Variants in NBAS observed in about 807,000 individuals in gnomAD.
NBAS encodes the protein NBAS subunit of NRZ tethering complex, also known as NAG/BC035112 fusion.
Under a neutral mutation model 302.5 loss-of-function variants are expected in NBAS, and 219 were observed. That is an observed-to-expected ratio of 0.72 (90% CI 0.65 to 0.81). The LOEUF (loss-of-function observed/expected upper bound fraction) is 0.81, where lower values mean the gene tolerates loss of function less well. Among genes scored for constraint, NBAS ranks in the 30% least tolerant of loss-of-function variants. The probability of loss-of-function intolerance (pLI) is 0.00; values close to 1 mark genes in which losing one functional copy is unlikely to be tolerated. For missense variants in NBAS, 2,932 were observed against 2,841.6 expected, an observed-to-expected ratio of 1.03 and a Z score of -0.72; for synonymous variants, 1,118 against 1,021.6, an observed-to-expected ratio of 1.09 and a Z score of -1.80.
At chr2:14,881,058 C>A in the NBAS span, among the ~76,000 whole-genome samples, 1 of 152,044 alleles carries the variant, frequency 6.6e-6, no homozygotes, top group African/African-American at 2.4e-5. Flanking sequence ...AAGTGTGAGC[C>A]AACAATAGCA....
chr2:14,974,994 C>T, the NBAS span, among the ~76,000 whole-genome samples: 1 of 152,168 alleles, frequency 6.6e-6, no homozygotes, highest in Admixed American at 6.5e-5. Context: ...ATGGAGGGGA[C>T]AGACCAAGGA....
intron 46 of NBAS, 114 bp from the exon 47 acceptor site, chr2:15,232,625 G>T: frequency 1.2e-6 from 1 of 844,360 alleles, no homozygotes; most frequent in Non-Finnish European, 1.9e-6. Context: ...TATACTGCCT[G>T]CCCATAGTCA....
At chr2:15,113,449 G>T in the NBAS span, among the ~76,000 whole-genome samples, 1 of 151,352 alleles carries the variant, frequency 6.6e-6, no homozygotes, top group African/African-American at 2.4e-5. Flanking sequence ...GGACATCTTG[G>T]GGAAATGGAT....
chr2:15,313,886 T>G (rs546533851), intron 38 of NBAS, among the ~76,000 whole-genome samples: 44 of 152,302 alleles, frequency 2.9e-4, no homozygotes, highest in African/African-American at 1.0e-3. Context: ...GCTCTCTGGC[T>G]TTCTATTACT....
At chr2:15,282,743 G>T (rs1669878458) in intron 42 of NBAS, among the ~76,000 whole-genome samples, 1 of 152,116 alleles carries the variant, frequency 6.6e-6, no homozygotes, top group African/African-American at 2.4e-5. Context: ...AATAAGAAGG[G>T]AAAAGATGGA....
chr2:14,938,732 C>T, the NBAS span, among the ~76,000 whole-genome samples: 4 of 152,246 alleles, frequency 2.6e-5, no homozygotes, highest in South Asian at 4.1e-4. Flanking sequence ...ATAAACACAC[C>T]GTGTGATGAT....
chr2:14,978,911 A>G, the NBAS span, among the ~76,000 whole-genome samples: 1 of 152,220 alleles, frequency 6.6e-6, no homozygotes, highest in Non-Finnish European at 1.5e-5. Context: ...ACTTTTCACA[A>G]GACTCTCAAG....
chr2:14,990,396 C>A, the NBAS span, among the ~76,000 whole-genome samples: 2 of 151,748 alleles, frequency 1.3e-5, no homozygotes, highest in Non-Finnish European at 2.9e-5. Context: ...TGCACTCCAG[C>A]CTGGGCAACA....
Position 15,356,325 on chromosome 2 carries a change from A to G in NBAS, c.3909T>C (p.His1303=). 6.2e-7 allele frequency: 1 copy of G among 1,613,788 alleles called. No individual in the cohort carries two copies. Among genetic ancestry groups the G allele is most frequent in the Non-Finnish European group, 8.5e-7 (1 of 1,179,756 alleles). Residue 1303 remains histidine, a synonymous_variant, in exon 33 of 52, where the codon CAT becomes CAC. Transcript: ENST00000281513. ...RFHDYKAASM[H]CQELMATGYP... ...CACCTGTGGCCATCAGCTCCTGACAATGCATACTGGCTGCTTTGTAGTCAT... is the reference window on the plus strand; with the variant it reads ...CACCTGTGGCCATCAGCTCCTGACAGTGCATACTGGCTGCTTTGTAGTCAT...
At chr2:15,044,023 T>A in the NBAS span, among the ~76,000 whole-genome samples, 1 of 152,146 alleles carries the variant, frequency 6.6e-6, no homozygotes, top group African/African-American at 2.4e-5. Context: ...ATTGACTGGA[T>A]GGATAAATGA....
chr2:15,021,243 A>C, the NBAS span, among the ~76,000 whole-genome samples: 6 of 151,884 alleles, frequency 4.0e-5, no homozygotes, highest in Non-Finnish European at 8.8e-5. Flanking sequence ...CTTGTCTAAA[A>C]AAAAAATTGT....
the NBAS span, among the ~76,000 whole-genome samples, chr2:14,895,851 G>A: frequency 6.6e-6 from 1 of 152,088 alleles, no homozygotes; most frequent in Non-Finnish European, 1.5e-5. Context: ...ATCAAAAGGG[G>A]AGAGGGAAGA....
At chr2:15,003,314 A>T in the NBAS span, among the ~76,000 whole-genome samples, 1 of 152,158 alleles carries the variant, frequency 6.6e-6, no homozygotes, top group African/African-American at 2.4e-5. Context: ...GGTGAAGATG[A>T]TCTGGCAGTT....
the NBAS span, among the ~76,000 whole-genome samples, chr2:14,897,250 C>G: frequency 3.3e-5 from 5 of 152,092 alleles, no homozygotes; most frequent in African/African-American, 9.7e-5. Flanking sequence ...TGCTTTTCTC[C>G]TTATCAAAAC....
intron 40 of NBAS, among the ~76,000 whole-genome samples, chr2:15,302,876 G>A (rs1182283512): frequency 6.6e-6 from 1 of 152,182 alleles, no homozygotes; most frequent in African/African-American, 2.4e-5. Flanking sequence ...AACTGGCCAA[G>A]TCTTCCAGCC....
chr2:14,992,875 C>T, the NBAS span, among the ~76,000 whole-genome samples: 7 of 152,136 alleles, frequency 4.6e-5, no homozygotes, highest in Admixed American at 2.0e-4. Context: ...GTAAGGAGAG[C>T]GAAGCCACAC....
intron 11 of NBAS, among the ~76,000 whole-genome samples, chr2:15,496,762 C>G (rs774101418): frequency 2.0e-5 from 3 of 152,128 alleles, no homozygotes; most frequent in African/African-American, 7.2e-5. Context: ...TATTCTATTC[C>G]AGGCACTTTT....
the NBAS span, among the ~76,000 whole-genome samples, chr2:15,145,059 G>A: frequency 6.6e-6 from 1 of 152,012 alleles, no homozygotes; most frequent in Admixed American, 6.5e-5. Context: ...AATGAAGACG[G>A]CCACACCCTC....
chr2:14,934,239 G>A, the NBAS span, among the ~76,000 whole-genome samples: 1 of 152,264 alleles, frequency 6.6e-6, no homozygotes, highest in South Asian at 2.1e-4. Context: ...ATAGCTAGTT[G>A]TGAAATTCTT....
Sources: allele counts gnomAD v4.1 joint callset (sites outside exome capture counted in the v4.1 genomes callset), GRCh38; gene constraint gnomAD v4.1.1; transcripts MANE v1.5; gene names NCBI Gene and HGNC (gene_info 2026-07-23, HGNC 2026-07-21).